Variants in VPS33A observed in about 807,000 individuals in gnomAD.
VPS33A encodes the protein vacuolar protein sorting-associated protein 33A.
VPS33A carries 32 observed loss-of-function variants against 71.8 expected under a neutral mutation model. That is an observed-to-expected ratio of 0.45 (90% CI 0.34 to 0.60). The LOEUF (loss-of-function observed/expected upper bound fraction) is 0.60, where lower values mean the gene tolerates loss of function less well. Among genes scored for constraint, VPS33A ranks in the 20% least tolerant of loss-of-function variants. The pLI is 0.02. For missense variants in VPS33A, 625 were observed against 748.5 expected, an observed-to-expected ratio of 0.84 and a Z score of 1.92; for synonymous variants, 311 against 292.7, an observed-to-expected ratio of 1.06 and a Z score of -0.64.
chr12:122,242,461 G>C lies in VPS33A; in HGVS notation c.1017C>G (p.Ser339=). The change falls in exon 8 of 13, where the codon TCC becomes TCG. Residue 339 remains serine (S), a synonymous_variant. Coordinates refer to ENST00000267199, the MANE Select transcript of VPS33A (RefSeq NM_022916.6). ...KTVGEIKQFV[S]QLPHMQAARG... ...TTGCTGCCTGCATGTGGGGCAACTG[G>C]GAAACAAACTGCTTGATCTCCCCCA... 6.2e-7 allele frequency: 1 copy of C among 1,614,108 alleles called. No individual in the cohort carries two copies. The highest frequency in any genetic ancestry group is 8.5e-7 in the Non-Finnish European group (1 of 1,179,990).
intron 1 of VPS33A, among the ~76,000 whole-genome samples, chr12:122,266,049 C>T (rs1955064650): frequency 6.6e-6 from 1 of 152,244 alleles, no homozygotes; most frequent in African/African-American, 2.4e-5. Flanking sequence ...ACCAGCTCAT[C>T]AGCTGCCGGG....
Position 122,232,399 on chromosome 12 carries a change from C to G in VPS33A, c.1638G>C (p.Leu546=). The change falls in exon 13 of 13, where the codon CTG becomes CTC. Residue 546 remains leucine (L), a synonymous_variant. Transcript: ENST00000267199. ...KRQPGENRVT[L]IFFLGGVTFA... ...AGGTTACGCCCCCAAGGAAAAATAT[C>G]AGAGTCACTCGGTTTTCTCCCGGTT... 1 of 1,613,152 alleles carries G rather than the reference C, an allele frequency of 6.2e-7. No homozygotes were observed. Among genetic ancestry groups the G allele is most frequent in the South Asian group, 1.1e-5 (1 of 90,676 alleles).
intron 5 of VPS33A, chr12:122,250,271 T>C (rs1566046030): frequency 2.0e-6 from 1 of 495,292 alleles, no homozygotes; most frequent in African/African-American, 1.9e-5. Flanking sequence ...ATCAGGTCAG[T>C]CTATTCTTGT....
chr12:122,250,372 T>C (rs2136138157), intron 5 of VPS33A, among the ~76,000 whole-genome samples: 1 of 152,342 alleles, frequency 6.6e-6, no homozygotes, highest in South Asian at 2.1e-4. Context: ...CAGACTTAGG[T>C]TCCTGGGAGC....
rs182737496 is a variant in VPS33A at position 122,245,202 on chromosome 12, A to C, written c.776-440T>G. 2.9e-3 allele frequency among the ~76,000 whole-genome samples: 447 copies of C among 152,334 alleles called. 2 individuals carry two copies. The highest frequency in any genetic ancestry group is 5.3e-3 in the Non-Finnish European group (360 of 68,032). On this transcript the variant is annotated intron_variant, in intron 6 of 12. Coordinates refer to ENST00000267199, the MANE Select transcript of VPS33A (RefSeq NM_022916.6). ...AACAACAGTACCAAAAACAGCACAG[A>C]GTAGAAAATACAAAAGCTTATCACA...
In VPS33A at chr12:122,229,985, G is replaced by A. The variant is rs569328578; in HGVS notation, c.*2261C>T. ...TTGACCAGACTTGAATTGAGCCCCA[G>A]GAACCAAAAAATGGAGGGGCAGGGT... On this transcript the variant is annotated 3_prime_UTR_variant, in exon 13 of 13. Coordinates refer to ENST00000267199, the MANE Select transcript of VPS33A (RefSeq NM_022916.6). 4 of 151,946 alleles carry A rather than the reference G, an allele frequency of 2.6e-5. No homozygotes were observed. The highest frequency in any genetic ancestry group is 9.7e-5 in the African/African-American group (4 of 41,372). 9.4% of individuals were successfully genotyped at this position (151,946 alleles called of 1,614,324 possible). A position where few individuals can be genotyped will look rare whatever the true frequency, so the allele number is the denominator to read the frequency against.
rs967313665 is a variant in VPS33A at position 122,230,528 on chromosome 12, C to G, written c.*1718G>C. The G allele has an allele frequency of 3.3e-5, 5 of 152,254 alleles. No homozygotes were observed. The highest frequency in any genetic ancestry group is 1.2e-4 in the African/African-American group (5 of 41,458). The allele number at this position is 152,254 out of a possible 1,614,324, so 9.4% of individuals were successfully genotyped here. A position where few individuals can be genotyped will look rare whatever the true frequency, so the allele number is the denominator to read the frequency against. On this transcript the variant is annotated 3_prime_UTR_variant, in exon 13 of 13. Transcript: ENST00000267199. ...CCCGGGAAGTGGAGGTTGCAGTGAG[C>G]TGACATCGCACCACTGCACTCCAGT...
intron 6 of VPS33A, among the ~76,000 whole-genome samples, chr12:122,246,731 C>G (rs1954782202): frequency 6.6e-6 from 1 of 152,064 alleles, no homozygotes; most frequent in Non-Finnish European, 1.5e-5. Flanking sequence ...TCCCAAGTAG[C>G]TGGGATTATA....
At chr12:122,251,675 C>CAA (rs1566046896) in intron 4 of VPS33A, among the ~76,000 whole-genome samples, 1 of 150,482 alleles carries the variant, frequency 6.6e-6, no homozygotes, top group Non-Finnish European at 1.5e-5. Flanking sequence ...ATCACAAGGA[C>CAA]AAAAAAACAA....
At position 122,250,231 on chromosome 12, in the gene VPS33A, G is replaced by A. The variant is rs572307354; in HGVS notation, c.601-186C>T. 21 of 581,212 alleles carry A rather than the reference G, an allele frequency of 3.6e-5. No homozygotes were observed. The East Asian group carries it at 5.9e-4, about 16-fold the overall frequency. 36.0% of individuals were successfully genotyped at this position (581,212 alleles called of 1,614,324 possible). ...GCACCCATCCCGACACTTGCACCAAGGCAGCTGCCATTTGCCAATGAGGCA... is the reference window on the plus strand; with the variant it reads ...GCACCCATCCCGACACTTGCACCAAAGCAGCTGCCATTTGCCAATGAGGCA... On this transcript the variant is annotated intron_variant, in intron 5 of 12. Coordinates refer to ENST00000267199, the MANE Select transcript of VPS33A (RefSeq NM_022916.6).
In VPS33A at chr12:122,266,468, A is replaced by C. The variant is rs1303449923; in HGVS notation, c.-60T>G. ...CGAGTCCGCCGGTTCCTACGGGAGG[A>C]CCACGGACGCAGTCACGTGACCAAA... On this transcript the variant is annotated 5_prime_UTR_variant, in exon 1 of 13. Coordinates refer to ENST00000267199, the MANE Select transcript of VPS33A (RefSeq NM_022916.6). 6.4e-7 allele frequency: 1 copy of C among 1,574,126 alleles called. No homozygotes were observed. The highest frequency in any genetic ancestry group is 8.7e-7 in the Non-Finnish European group (1 of 1,153,784).
chr12:122,263,273 G>A (rs756254581), intron 3 of VPS33A, among the ~76,000 whole-genome samples: 11 of 152,132 alleles, frequency 7.2e-5, no homozygotes, highest in Non-Finnish European at 1.6e-4. Context: ...GATTACAAGT[G>A]TGAGCCACCA....
At chr12:122,253,678 TAAC>T (rs1356836805) in intron 4 of VPS33A, 1 of 154,266 alleles carries the variant, frequency 6.5e-6, no homozygotes, top group African/African-American at 2.4e-5. Context: ...ATGTAAAAGT[TAAC>T]AACAGATTTT....
intron 7 of VPS33A, among the ~76,000 whole-genome samples, chr12:122,243,729 G>A (rs1403717724): frequency 3.9e-5 from 6 of 152,004 alleles, no homozygotes; most frequent in African/African-American, 1.2e-4. Flanking sequence ...CCTGGGCAAC[G>A]CAGGAAGTCC....
chr12:122,253,345 G>A (rs1224097147), intron 4 of VPS33A: 3 of 152,222 alleles, frequency 2.0e-5, no homozygotes, highest in Non-Finnish European at 4.4e-5. Context: ...ATGAGGTCGG[G>A]AGTTCTAGAC....
Position 122,240,102 on chromosome 12 carries a change from T to C in VPS33A, c.1097-157A>G, listed in dbSNP as rs558050416. 2.2e-3 allele frequency among the ~76,000 whole-genome samples: 334 copies of C among 152,078 alleles called. 2 individuals are homozygous for C. The highest frequency in any genetic ancestry group is 3.6e-3 in the Non-Finnish European group (244 of 67,996). ...CAGCACTGTAGGGGGCCGAGGTGGGTGGATCACTTCAGGCCAGGAGTTCAA... is the reference window on the plus strand; with the variant it reads ...CAGCACTGTAGGGGGCCGAGGTGGGCGGATCACTTCAGGCCAGGAGTTCAA... On this transcript the variant is annotated intron_variant, in intron 8 of 12. Coordinates refer to ENST00000267199, the MANE Select transcript of VPS33A (RefSeq NM_022916.6).
chr12:122,254,186 A>G (rs1249432413), intron 4 of VPS33A, among the ~76,000 whole-genome samples: 1 of 152,148 alleles, frequency 6.6e-6, no homozygotes, highest in African/African-American at 2.4e-5. Flanking sequence ...ACACAGAACA[A>G]TGACATAGAT....
At chr12:122,234,726 G>C (rs185038470) in intron 11 of VPS33A, among the ~76,000 whole-genome samples, 9 of 148,470 alleles carry the variant, frequency 6.1e-5, no homozygotes, top group African/African-American at 2.1e-4. Context: ...CTTCTCTTTG[G>C]GTCTGACCAA....
chr12:122,250,904 T>C, intron 5 of VPS33A, 79 bp downstream of exon 5: 2 of 999,372 alleles, frequency 2.0e-6, no homozygotes, highest in Non-Finnish European at 3.1e-6. Flanking sequence ...TGAATTTGTT[T>C]GTAAGGAGCT....
Sources: gnomAD v4.1 joint callset for allele counts (sites outside exome capture counted in the v4.1 genomes callset) on GRCh38, gnomAD v4.1.1 for gene constraint, MANE v1.5 for transcripts, NCBI Gene and HGNC (gene_info 2026-07-23, HGNC 2026-07-21) for gene names.